The following DNAH9 variants were observed in gnomAD, a reference collection of about 807,000 sequenced individuals.
DNAH9 encodes DNAH9 variant protein.
DNAH9 carries 345 observed loss-of-function variants against 471.6 expected under a neutral mutation model. The ratio of observed to expected loss-of-function variants is 0.73; its 90% CI spans 0.67 to 0.80. DNAH9 has a LOEUF of 0.80. Among genes scored for constraint, DNAH9 ranks in the 30% least tolerant of loss-of-function variants. The pLI is 0.00. For synonymous variants in DNAH9, 2,093 were observed against 2,123.6 expected (o/e 0.99, Z 0.40); for missense variants, 5,407 against 5,609.2 (o/e 0.96, Z 1.15).
rs143132899 is a variant in DNAH9 at position 11,805,751 on chromosome 17, C to T, written c.8421-1981C>T. The stretch of plus-strand genomic sequence containing the variant: ...GTGTTTTTGTGGACACAGGGTTTCA[C>T]CATGTTGGCCAGGCTGGTCTCGAAC... On this transcript the variant is annotated intron_variant, in intron 43 of 68. Coordinates refer to ENST00000262442, the MANE Select transcript of DNAH9 (RefSeq NM_001372.4). Among the ~76,000 whole-genome samples the T allele has an allele frequency of 9.3e-4, 142 of 152,048 alleles. 1 individual carries two copies. In the East Asian group the frequency reaches 0.023, roughly 25 times the overall value.
Position 11,869,126 on chromosome 17 carries a change from C to A in DNAH9, c.9934-8C>A, listed in dbSNP as rs746664872. 1.9e-6 allele frequency: 3 copies of A among 1,613,048 alleles called. No homozygotes were observed. The highest frequency in any genetic ancestry group is 2.5e-6 in the Non-Finnish European group (3 of 1,179,504). On this transcript the variant is annotated splice_region_variant and splice_polypyrimidine_tract_variant and intron_variant, in intron 50 of 68. Transcript: ENST00000262442. Reference sequence around the variant, plus strand: ...TGACTGATGGTCCTTGTATTCCTTCCTAAACAGCACCTTAATGAAAACCTG... The same window carrying A: ...TGACTGATGGTCCTTGTATTCCTTCATAAACAGCACCTTAATGAAAACCTG...
At position 11,886,381 on chromosome 17, in the gene DNAH9, T is replaced by A. The variant is rs185269565; in HGVS notation, c.10972-444T>A. 1.8e-3 allele frequency among the ~76,000 whole-genome samples: 270 copies of A among 152,190 alleles called. 2 individuals carry two copies. The highest frequency in any genetic ancestry group is 6.2e-3 in the African/African-American group (257 of 41,532). ...AATTTTCTGAAAATAGAATATTCCA[T>A]TGAAAGATATCTTTGTGAAATTACA... On this transcript the variant is annotated intron_variant, in intron 56 of 68. Transcript: ENST00000262442.
At chr17:11,947,783 T>A (rs1191098305) in intron 67 of DNAH9, among the ~76,000 whole-genome samples, 1 of 141,164 alleles carries the variant, frequency 7.1e-6, no homozygotes, top group Non-Finnish European at 1.5e-5. Flanking sequence ...TTTTTTTTTT[T>A]TTTTTTTTTT....
At chr17:11,941,952 T>G (rs58965530) in intron 66 of DNAH9, among the ~76,000 whole-genome samples, 27,963 of 152,202 alleles carry the variant, frequency 0.18, 2,660 homozygotes, top group Admixed American at 0.21. Flanking sequence ...GGGCCACCTT[T>G]TGGCCCAAGT....
intron 31 of DNAH9, 74 bp downstream of exon 31, chr17:11,745,158 C>A: frequency 7.8e-7 from 1 of 1,279,482 alleles, no homozygotes; most frequent in Non-Finnish European, 1.1e-6. Flanking sequence ...ATCCTTCATC[C>A]ATAATCCAAA....
rs534269957 is a variant in DNAH9, at chr17:11,858,328, T to C, written c.9933+3900T>C. Among the ~76,000 whole-genome samples, 3 of 152,330 alleles carry C rather than the reference T, an allele frequency of 2.0e-5. No homozygotes were observed. In the East Asian group the frequency reaches 5.8e-4, roughly 29 times the overall value. ...TGAGATCACATCAGAGCCTGCTACC[T>C]AGCAGCTCAACTGTGTTCCAGTTGG... On this transcript the variant is annotated intron_variant, in intron 50 of 68. Coordinates refer to ENST00000262442, the MANE Select transcript of DNAH9 (RefSeq NM_001372.4).
Position 11,900,503 on chromosome 17 carries a change from C to CAAAAAAAAAAA in DNAH9, c.11407-2210_11407-2200dup, listed in dbSNP as rs71367356. Among the ~76,000 whole-genome samples, 2 of 108,124 alleles carry CAAAAAAAAAAA rather than the reference C, an allele frequency of 1.8e-5. 1 individual carries two copies. The allele number at this position is 108,124 out of a possible 152,430, so 70.9% of individuals were successfully genotyped here. A position where few individuals can be genotyped will look rare whatever the true frequency, so the allele number is the denominator to read the frequency against. The stretch of plus-strand genomic sequence containing the variant: ...TAGCTCTTCTTGATCCTTCCCCTGC[C>CAAAAAAAAAAA]AAAAAAAAAAAAAAAATTCCCTTTC... On this transcript the variant is annotated intron_variant, in intron 59 of 68. Coordinates refer to ENST00000262442, the MANE Select transcript of DNAH9 (RefSeq NM_001372.4).
At chr17:11,632,512 T>G (rs1247368088) in intron 7 of DNAH9, 75 bp from the exon 8 acceptor site, 5 of 732,094 alleles carry the variant, frequency 6.8e-6, no homozygotes. Flanking sequence ...AACACAAAAG[T>G]TAGCTGTGAG....
chr17:11,908,646 A>G (rs1973686007), intron 61 of DNAH9, among the ~76,000 whole-genome samples: 1 of 152,252 alleles, frequency 6.6e-6, no homozygotes. Flanking sequence ...CAAATGTTAC[A>G]GATTAAACAT....
intron 40 of DNAH9, 143 bp from the exon 41 acceptor site, chr17:11,784,156 TA>T: frequency 7.8e-7 from 1 of 1,288,876 alleles, no homozygotes; most frequent in Non-Finnish European, 1.1e-6. Context: ...AGGTTCAACC[TA>T]AATTTGGGCA....
chr17:11,799,448 A>G (rs1050667272), intron 43 of DNAH9, among the ~76,000 whole-genome samples: 1 of 150,294 alleles, frequency 6.7e-6, no homozygotes, highest in African/African-American at 2.5e-5. Flanking sequence ...CTCCTTGCAA[A>G]CTCTGCCTCC....
intron 35 of DNAH9, among the ~76,000 whole-genome samples, 174 bp from the exon 36 acceptor site, chr17:11,763,266 C>G (rs1302727198): frequency 6.6e-6 from 1 of 151,984 alleles, no homozygotes; most frequent in Non-Finnish European, 1.5e-5. Flanking sequence ...AGGAAGCTGG[C>G]GCGAGAACAG....
chr17:11,762,770 G>GTTTTTTTTTTTTTTTTTTTTTTTTTT lies in DNAH9; in HGVS notation c.6996-668_6996-643dup, dbSNP rs563544881. Among the ~76,000 whole-genome samples, 5 of 90,790 alleles carry GTTTTTTTTTTTTTTTTTTTTTTTTTT rather than the reference G, an allele frequency of 5.5e-5. 1 individual carries two copies. Among genetic ancestry groups the GTTTTTTTTTTTTTTTTTTTTTTTTTT allele is most frequent in the East Asian group, 3.3e-4 (1 of 3,030 alleles). 59.6% of individuals were successfully genotyped at this position (90,790 alleles called of 152,430 possible). A position where few individuals can be genotyped will look rare whatever the true frequency, so the allele number is the denominator to read the frequency against. ...CCTCTTTAGGTGCGTTTTTTTTTTT[G>GTTTTTTTTTTTTTTTTTTTTTTTTTT]TTTTTTTTTTTTTTTTTTTTTTTTT... On this transcript the variant is annotated intron_variant, in intron 35 of 68. Coordinates refer to ENST00000262442, the MANE Select transcript of DNAH9 (RefSeq NM_001372.4).
chr17:11,775,847 C>T lies in DNAH9; in HGVS notation c.7553-5162C>T, dbSNP rs546436629. 1.5e-4 allele frequency among the ~76,000 whole-genome samples: 23 copies of T among 152,226 alleles called. 1 individual carries two copies. Among genetic ancestry groups the T allele is most frequent in the African/African-American group, 5.3e-4 (22 of 41,554 alleles). On this transcript the variant is annotated intron_variant, in intron 38 of 68. Transcript: ENST00000262442. ...GACCTCGTGATCCGCCCGCCTCGGG[C>T]TCCCAAAGTGCTGGGATTATAGGCG...
intron 14 of DNAH9, among the ~76,000 whole-genome samples, chr17:11,654,795 T>G (rs1342447198): frequency 6.6e-6 from 1 of 152,098 alleles, no homozygotes; most frequent in African/African-American, 2.4e-5. Flanking sequence ...TTCATTATCA[T>G]TTTATTGATA....
intron 67 of DNAH9, among the ~76,000 whole-genome samples, chr17:11,944,084 A>G (rs1975035645): frequency 6.6e-6 from 1 of 152,192 alleles, no homozygotes; most frequent in Non-Finnish European, 1.5e-5. Context: ...AGTTGGTGTC[A>G]TGAATCTCGG....
intron 67 of DNAH9, among the ~76,000 whole-genome samples, chr17:11,943,405 G>A (rs933865950): frequency 3.3e-5 from 5 of 152,062 alleles, no homozygotes; most frequent in East Asian, 1.9e-4. Flanking sequence ...AGGGCCGGGC[G>A]CGGTGGCTCG....
intron 20 of DNAH9, among the ~76,000 whole-genome samples, chr17:11,691,664 C>T (rs2074333781): frequency 1.3e-5 from 2 of 152,098 alleles, no homozygotes; most frequent in African/African-American, 4.8e-5. Flanking sequence ...TTATAATTTT[C>T]TATTCAACTT....
At chr17:11,924,048 C>T in intron 62 of DNAH9, 107 bp downstream of exon 62, 1 of 1,431,520 alleles carries the variant, frequency 7.0e-7, no homozygotes, top group Non-Finnish European at 9.4e-7. Context: ...TGTCCTTTCA[C>T]ACTCTTGTCC....
Sources: allele counts gnomAD v4.1 joint callset (sites outside exome capture counted in the v4.1 genomes callset), GRCh38; gene constraint gnomAD v4.1.1; transcripts MANE v1.5; gene names NCBI Gene and HGNC (gene_info 2026-07-23, HGNC 2026-07-21).